POLA1: variants seen among roughly 807,000 people sequenced by gnomAD.
The protein encoded by POLA1 is DNA polymerase alpha 1, catalytic subunit.
Under a neutral mutation model 124.0 loss-of-function variants are expected in POLA1, and 15 were observed. That is an observed-to-expected ratio of 0.12 (90% confidence interval 0.08 to 0.19). POLA1 has a LOEUF of 0.19. Ranked by LOEUF, POLA1 falls within the 10% of genes least tolerant of loss-of-function variation. The pLI, the probability that POLA1 is intolerant of heterozygous loss-of-function variation, is 1.00. For synonymous variants in POLA1, 408 were observed against 389.4 expected, an observed-to-expected ratio of 1.05 and a Z score of -0.56; for missense variants, 886 against 1,103.4, an observed-to-expected ratio of 0.80 and a Z score of 2.79.
At chrX:24,834,583 C>T (rs771255758) in intron 32 of POLA1, among the ~76,000 whole-genome samples, 1 of 111,592 alleles carries the variant, frequency 9.0e-6, no homozygotes, top group Admixed American at 9.5e-5. Flanking sequence ...ACAAGCCTGG[C>T]CAACAGAACA....
At chrX:24,791,626 C>T (rs1002676193) in intron 26 of POLA1, among the ~76,000 whole-genome samples, 1 of 112,361 alleles carries the variant, frequency 8.9e-6, no homozygotes, top group African/African-American at 3.2e-5. Context: ...CCTCATGATC[C>T]ACCTGCCTCG....
chrX:24,926,498 G>C (rs187194859), intron 35 of POLA1, among the ~76,000 whole-genome samples: 1 of 111,810 alleles, frequency 8.9e-6, no homozygotes, highest in African/African-American at 3.3e-5. Flanking sequence ...ATGCAAGTCA[G>C]CTTTAACACT....
Position 24,854,826 on chromosome X carries a change from CT to C in POLA1, c.4047+11150del, listed in dbSNP as rs2046621489. On this transcript the variant is annotated intron_variant, in intron 34 of 36. Coordinates refer to ENST00000379068, the MANE Select transcript of POLA1 (RefSeq NM_001330360.2). ...CCTGGGCGACAGAGTGGGACTCCAT[CT>C]CAAAAAAAAAAAAAGCCCAAAATTT... Among the ~76,000 whole-genome samples the C allele has an allele frequency of 4.8e-5, 5 of 103,741 alleles. No homozygotes were observed. The Admixed American group carries it at 5.3e-4, about 11-fold the overall frequency. The allele number at this position is 103,741 out of a possible 115,157, so 90.1% of individuals were successfully genotyped here. A position where few individuals can be genotyped will look rare whatever the true frequency, so the allele number is the denominator to read the frequency against.
chrX:24,768,691 C>T (rs778139208), intron 26 of POLA1, among the ~76,000 whole-genome samples: 6 of 111,757 alleles, frequency 5.4e-5, no homozygotes, highest in Non-Finnish European at 7.5e-5. Flanking sequence ...TTATGTTAAG[C>T]CTTGAAGATA....
At chrX:24,741,599 C>A in intron 21 of POLA1, 95 bp downstream of exon 21, 1 of 729,855 alleles carries the variant, frequency 1.4e-6, no homozygotes, top group Non-Finnish European at 2.0e-6. Flanking sequence ...TAAATGCATG[C>A]TTATAAAATG....
At chrX:24,896,541 G>T (rs1218343668) in intron 35 of POLA1, among the ~76,000 whole-genome samples, 6 of 112,107 alleles carry the variant, frequency 5.4e-5, no homozygotes, top group Non-Finnish European at 9.4e-5. Flanking sequence ...TGTTGTTAGT[G>T]TATTTTATGT....
At chrX:24,946,688 C>G (rs2047965066) in intron 36 of POLA1, among the ~76,000 whole-genome samples, 2 of 111,814 alleles carry the variant, frequency 1.8e-5, no homozygotes, top group African/African-American at 6.5e-5. Flanking sequence ...TCCTGTAGTT[C>G]TTAAGCACTG....
At chrX:24,994,828 C>G (rs2048583164) in intron 36 of POLA1, among the ~76,000 whole-genome samples, 2 of 111,358 alleles carry the variant, frequency 1.8e-5, no homozygotes, top group African/African-American at 6.5e-5. Flanking sequence ...AGCGTCATCC[C>G]CCACGTGATC....
At chrX:24,737,810 T>C (rs1049705245) in intron 19 of POLA1, 69 bp downstream of exon 19, 23 of 482,494 alleles carry the variant, frequency 4.8e-5, no homozygotes, top group Non-Finnish European at 8.1e-5. Context: ...AGGAACACAC[T>C]ATACTTTTTA....
At chrX:24,874,418 C>A (rs2046905753) in intron 34 of POLA1, among the ~76,000 whole-genome samples, 1 of 111,906 alleles carries the variant, frequency 8.9e-6, no homozygotes, top group Non-Finnish European at 1.9e-5. Flanking sequence ...AGATTTGAGG[C>A]TTTGATAATT....
At chrX:24,772,988 A>T (rs773881539) in intron 26 of POLA1, among the ~76,000 whole-genome samples, 1 of 111,563 alleles carries the variant, frequency 9.0e-6, no homozygotes, top group Non-Finnish European at 1.9e-5. Context: ...TGATAGATAT[A>T]CTCATTTCTG....
At chrX:24,725,252 T>A (rs911016807) in intron 12 of POLA1, among the ~76,000 whole-genome samples, 1 of 101,321 alleles carries the variant, frequency 9.9e-6, no homozygotes, top group Non-Finnish European at 2.0e-5. Flanking sequence ...TGGAGTGCAG[T>A]GGTGCGATCT....
At chrX:24,930,397 C>A in intron 35 of POLA1, 56 bp from the exon 36 acceptor site, 1 of 759,124 alleles carries the variant, frequency 1.3e-6, no homozygotes, top group South Asian at 2.2e-5. Flanking sequence ...GAGAGTGATC[C>A]CCATCGCTTC....
At chrX:24,972,737 G>A (rs2048318613) in intron 36 of POLA1, among the ~76,000 whole-genome samples, 1 of 112,285 alleles carries the variant, frequency 8.9e-6, no homozygotes, top group Admixed American at 9.4e-5. Context: ...TATCTAACAA[G>A]GTCTGGATAA....
intron 26 of POLA1, among the ~76,000 whole-genome samples, chrX:24,784,272 C>T (rs773706976): frequency 9.2e-5 from 10 of 108,298 alleles, no homozygotes; most frequent in Non-Finnish European, 1.5e-4. Flanking sequence ...ACTCTGGTCT[C>T]GAACTCCTAA....
intron 26 of POLA1, among the ~76,000 whole-genome samples, chrX:24,769,038 T>A (rs2044971114): frequency 8.9e-6 from 1 of 112,051 alleles, no homozygotes; most frequent in Non-Finnish European, 1.9e-5. Flanking sequence ...TAATTTTTCT[T>A]AATGCTTTAC....
chrX:24,965,290 C>T lies in POLA1; in HGVS notation c.4262-30515C>T, dbSNP rs185095476. 8.0e-5 allele frequency among the ~76,000 whole-genome samples: 9 copies of T among 112,384 alleles called. No individual in the cohort carries two copies. The East Asian group carries it at 2.5e-3, about 31-fold the overall frequency. On this transcript the variant is annotated intron_variant, in intron 36 of 36. Transcript: ENST00000379068. ...GGTAAGTGAAGGATCAGCATGTTTT[C>T]TTTTCTAAGTTAAACTTCTGAATTT... is the stretch of plus-strand genomic sequence containing the variant.
Position 24,744,524 on chromosome X carries a change from T to C in POLA1, c.2567-894T>C, listed in dbSNP as rs772013451. The C allele has an allele frequency of 8.2e-5, 29 of 355,511 alleles. No individual in the cohort carries two copies. The Admixed American group carries it at 8.2e-4, about 10-fold the overall frequency. The allele number at this position is 355,511 out of a possible 1,213,427, so 29.3% of individuals were successfully genotyped here. On this transcript the variant is annotated intron_variant, in intron 23 of 36. Coordinates refer to ENST00000379068, the MANE Select transcript of POLA1 (RefSeq NM_001330360.2). ...CTACAGAAATATAGTAGCTTTCTGTTCTTCCTTTGCAAGTAAAAAGGGTGG... is the reference window on the plus strand; with the variant it reads ...CTACAGAAATATAGTAGCTTTCTGTCCTTCCTTTGCAAGTAAAAAGGGTGG...
intron 34 of POLA1, among the ~76,000 whole-genome samples, chrX:24,878,561 C>T (rs1332519919): frequency 9.0e-6 from 1 of 110,641 alleles, no homozygotes; most frequent in African/African-American, 3.3e-5. Context: ...CAGAGATCCA[C>T]CATCATAAAG....
Sources: allele counts gnomAD v4.1 joint callset (sites outside exome capture counted in the v4.1 genomes callset), GRCh38; gene constraint gnomAD v4.1.1; transcripts MANE v1.5; gene names NCBI Gene and HGNC (gene_info 2026-07-23, HGNC 2026-07-21).